The following CLMN variants were observed in gnomAD, a reference collection of about 807,000 sequenced individuals.
CLMN encodes the protein calmin.
In CLMN, 57 loss-of-function variants were observed where a neutral mutation model predicts 92.7. The ratio of observed to expected loss-of-function variants is 0.61; its 90% CI spans 0.50 to 0.77. CLMN has a LOEUF of 0.77. Ranked by LOEUF, CLMN falls within the 30% of genes least tolerant of loss-of-function variation. CLMN has a pLI of 0.00. For synonymous variants in CLMN, 466 were observed against 470.6 expected, an observed-to-expected ratio of 0.99 and a Z score of 0.13; for missense variants, 1,158 against 1,237.5, an observed-to-expected ratio of 0.94 and a Z score of 0.96.
chr14:95,256,391 A>C lies in CLMN; in HGVS notation c.83-26258T>G, dbSNP rs1441590947. Among the ~76,000 whole-genome samples the C allele has an allele frequency of 6.6e-6, 1 of 152,232 alleles. No homozygotes were observed. The highest frequency in any genetic ancestry group is 2.4e-5 in the African/African-American group (1 of 41,466). ...ATGAATCTTGGCTGAGGAAATTGCT[A>C]CCAACGACACTGTGACTCAACAGAT... On this transcript the variant is annotated intron_variant, in intron 1 of 12. Coordinates refer to ENST00000298912, the MANE Select transcript of CLMN (RefSeq NM_024734.4). The surrounding 1 kb of genome is among the most constrained non-coding windows in gnomAD (Gnocchi z 4.9).
At chr14:95,257,325 T>G (rs1361205619) in intron 1 of CLMN, among the ~76,000 whole-genome samples, 2 of 152,230 alleles carry the variant, frequency 1.3e-5, no homozygotes, top group Admixed American at 6.5e-5. Context: ...TAATTAATCC[T>G]CTGCAAATAA....
rs1189742892 is a variant in CLMN, at chr14:95,259,150, G to A, written c.83-29017C>T. On this transcript the variant is annotated intron_variant, in intron 1 of 12. Transcript: ENST00000298912. The surrounding 1 kb of genome is among the most constrained non-coding windows in gnomAD (Gnocchi z 4.3). The stretch of plus-strand genomic sequence containing the variant: ...GTGTGAAGTGGGGTGTGCACTCAGG[G>A]AGTTGGTGCTGCATGGCAGGCTGGA... 6.6e-6 allele frequency among the ~76,000 whole-genome samples: 1 copy of A among 152,028 alleles called. No individual in the cohort carries two copies. The highest frequency in any genetic ancestry group is 1.5e-5 in the Non-Finnish European group (1 of 67,974).
In CLMN at chr14:95,268,440, C is replaced by G. The variant is rs574212492; in HGVS notation, c.83-38307G>C. 1.7e-4 allele frequency among the ~76,000 whole-genome samples: 26 copies of G among 150,488 alleles called. No homozygotes were observed. In the East Asian group the frequency reaches 2.0e-3, roughly 11 times the overall value. On this transcript the variant is annotated intron_variant, in intron 1 of 12. Transcript: ENST00000298912. Reference sequence around the variant, plus strand: ...CCATGATTCTTACTGATACAACATTCTTGAAATGACAGAATTCTAGAGTTG... The same window carrying G: ...CCATGATTCTTACTGATACAACATTGTTGAAATGACAGAATTCTAGAGTTG...
chr14:95,261,385 T>A (rs914951492), intron 1 of CLMN, among the ~76,000 whole-genome samples: 1 of 152,360 alleles, frequency 6.6e-6, no homozygotes, highest in Admixed American at 6.5e-5. Flanking sequence ...GAGACACAAA[T>A]ACATTTCAGA....
chr14:95,297,811 GCACACACACA>G (rs3219870), intron 1 of CLMN, among the ~76,000 whole-genome samples: 46,483 of 144,994 alleles, frequency 0.32, 7,593 homozygotes, highest in East Asian at 0.56. Context: ...AATATGGCAG[GCACACACACA>G]CACACACACA....
chr14:95,207,568 T>A (rs1897080059), intron 8 of CLMN, among the ~76,000 whole-genome samples: 1 of 152,240 alleles, frequency 6.6e-6, no homozygotes, highest in African/African-American at 2.4e-5. Context: ...TTCACATAAC[T>A]GTTTATCCTT....
In CLMN at chr14:95,289,502, T is replaced by TAAAC. The variant is rs770702666; in HGVS notation, c.82+30208_82+30209insGTTT. On this transcript the variant is annotated intron_variant, in intron 1 of 12. Coordinates refer to ENST00000298912, the MANE Select transcript of CLMN (RefSeq NM_024734.4). ...ATAAATAAATAAATAAATAAATAAA[T>TAAAC]AAATAAACAAACAAACAAACAAAAA... is the stretch of plus-strand genomic sequence containing the variant. 2.0e-3 allele frequency among the ~76,000 whole-genome samples: 182 copies of TAAAC among 93,010 alleles called. 2 individuals are homozygous for TAAAC. The highest frequency in any genetic ancestry group is 2.4e-3 in the African/African-American group (57 of 23,484). The allele number at this position is 93,010 out of a possible 152,430, so 61.0% of individuals were successfully genotyped here.
intron 8 of CLMN, among the ~76,000 whole-genome samples, chr14:95,208,726 C>T (rs557674192): frequency 1.5e-4 from 23 of 152,110 alleles, no homozygotes; most frequent in Non-Finnish European, 2.5e-4. Flanking sequence ...TTTCAGTCAC[C>T]CATGGTCAAC....
intron 1 of CLMN, among the ~76,000 whole-genome samples, chr14:95,282,107 A>G (rs955304157): frequency 2.6e-4 from 39 of 152,238 alleles, no homozygotes; most frequent in Non-Finnish European, 4.7e-4. Context: ...AAGGATGAGT[A>G]GGAATTCATC....
Position 95,194,892 on chromosome 14 carries a change from C to T in CLMN, c.2709-296G>A, listed in dbSNP as rs1487650009. ...TTCTTAAAAATCAAAGCATTTGGAG[C>T]AGGAAGTAACCCAAGCATCCTGATG... On this transcript the variant is annotated intron_variant, in intron 10 of 12. Coordinates refer to ENST00000298912, the MANE Select transcript of CLMN (RefSeq NM_024734.4). The surrounding 1 kb of genome is among the most constrained non-coding windows in gnomAD (Gnocchi z 4.0). Among the ~76,000 whole-genome samples the T allele has an allele frequency of 5.9e-5, 9 of 152,174 alleles. No homozygotes were observed. Among genetic ancestry groups the T allele is most frequent in the Non-Finnish European group, 8.8e-5 (6 of 68,034 alleles).
At position 95,203,631 on chromosome 14, in the gene CLMN, A is replaced by G; in HGVS notation, c.1718T>C (p.Phe573Ser). The part of the protein sequence containing the change: ...ASKFNSDLID[F>S]ASTSQAFNKV... ...GTTGAAAGCCTGGCTGGTAGAAGCAAAATCTATTAGGTCGCTGTTAAATTT... is the reference window on the plus strand; with the variant it reads ...GTTGAAAGCCTGGCTGGTAGAAGCAGAATCTATTAGGTCGCTGTTAAATTT... Residue 573 changes from phenylalanine (F) to serine (S), a missense_variant, in exon 9 of 13, where the codon TTT becomes TCT. Physicochemically the swap from Phe to Ser is radical, Grantham distance 155. Transcript: ENST00000298912. 6.2e-7 allele frequency: 1 copy of G among 1,614,176 alleles called. No individual in the cohort carries two copies. Among genetic ancestry groups the G allele is most frequent in the Non-Finnish European group, 8.5e-7 (1 of 1,180,032 alleles).
chr14:95,214,344 CTTTTT>C (rs140176893), intron 5 of CLMN, among the ~76,000 whole-genome samples: 38 of 109,330 alleles, frequency 3.5e-4, no homozygotes, highest in African/African-American at 1.0e-3. Flanking sequence ...GCTGCTGCTG[CTTTTT>C]TTTTTTTTTT....
At chr14:95,251,459 T>A (rs1431565257) in intron 1 of CLMN, among the ~76,000 whole-genome samples, 1 of 152,214 alleles carries the variant, frequency 6.6e-6, no homozygotes, top group Non-Finnish European at 1.5e-5. Context: ...TAAATACAAT[T>A]CTTTTGTTAC....
intron 9 of CLMN, among the ~76,000 whole-genome samples, chr14:95,199,795 G>A (rs921399773): frequency 1.3e-5 from 2 of 152,072 alleles, no homozygotes; most frequent in Non-Finnish European, 2.9e-5. Context: ...ATAACTGCTT[G>A]CCCAGATGGT....
At position 95,204,147 on chromosome 14, in the gene CLMN, G is replaced by A; in HGVS notation, c.1202C>T (p.Pro401Leu). 1.9e-6 allele frequency: 3 copies of A among 1,614,154 alleles called. No homozygotes were observed. Among genetic ancestry groups the A allele is most frequent in the South Asian group, 2.2e-5 (2 of 91,068 alleles). ...TGATAAAATGGAGGATTCTGGAGAT[G>A]GCTCACTGATGTCGCTGGTCTTACC... ...GPGKTSDISE[P>L]SPESSILSSR... Residue 401 changes from proline to leucine, a missense_variant, in exon 9 of 13, where the codon CCA (proline) becomes CTA (leucine). Pro to Leu is a moderately conservative substitution (Grantham distance 98). Transcript: ENST00000298912.
Position 95,256,196 on chromosome 14 carries a change from C to T in CLMN, c.83-26063G>A, listed in dbSNP as rs74909817. ...CAATGCCCCCACACTGTCCTCGCCA[C>T]GGGCACACCCAACCGAGGCCCGCCA... On this transcript the variant is annotated intron_variant, in intron 1 of 12. Transcript: ENST00000298912. The surrounding 1 kb of genome is among the most constrained non-coding windows in gnomAD (Gnocchi z 4.9). Among the ~76,000 whole-genome samples, 178 of 152,324 alleles carry T rather than the reference C, an allele frequency of 1.2e-3. 5 individuals carry two copies. In the East Asian group the frequency reaches 0.03, roughly 25 times the overall value.
rs563098679 is a variant in CLMN, at chr14:95,194,168, G to A, written c.2770-249C>T. 21 of 1,404,428 alleles carry A rather than the reference G, an allele frequency of 1.5e-5. No homozygotes were observed. The highest frequency in any genetic ancestry group is 9.3e-5 in the Admixed American group (3 of 32,316). 87.0% of individuals were successfully genotyped at this position (1,404,428 alleles called of 1,614,324 possible). A position where few individuals can be genotyped will look rare whatever the true frequency, so the allele number is the denominator to read the frequency against. On this transcript the variant is annotated intron_variant, in intron 11 of 12. Transcript: ENST00000298912. The surrounding 1 kb of genome is among the most constrained non-coding windows in gnomAD (Gnocchi z 4.0). Reference sequence around the variant, plus strand: ...AACCCGGATTGGGGTGTGCTGCTCCGGGTTCTAACACATCTGCTACTGAGC... The same window carrying A: ...AACCCGGATTGGGGTGTGCTGCTCCAGGTTCTAACACATCTGCTACTGAGC...
In CLMN at chr14:95,194,489, T is replaced by C. The variant is rs1896645094; in HGVS notation, c.2769+47A>G. 1 of 1,613,602 alleles carries C rather than the reference T, an allele frequency of 6.2e-7. No individual in the cohort carries two copies. Among genetic ancestry groups the C allele is most frequent in the African/African-American group, 1.3e-5 (1 of 74,876 alleles). On this transcript the variant is annotated intron_variant, in intron 11 of 12. Coordinates refer to ENST00000298912, the MANE Select transcript of CLMN (RefSeq NM_024734.4). This position sits in a 1 kb window ranked among gnomAD's most constrained non-coding sequence, Gnocchi z 4.0. ...GGGGAGGAGGAAGGATGGAAAGGAA[T>C]TGATTAGCAGGGGCCGTGCGGAAAG...
In CLMN at chr14:95,188,353, A is replaced by G. The variant is rs889205983; in HGVS notation, c.*3211T>C. The G allele has an allele frequency of 1.3e-5, 2 of 152,260 alleles. No individual in the cohort carries two copies. Among genetic ancestry groups the G allele is most frequent in the African/African-American group, 4.8e-5 (2 of 41,458 alleles). 9.4% of individuals were successfully genotyped at this position (152,260 alleles called of 1,614,324 possible). A position where few individuals can be genotyped will look rare whatever the true frequency, so the allele number is the denominator to read the frequency against. The stretch of plus-strand genomic sequence containing the variant: ...AATCATTAACGTCCACAGAGAGACA[A>G]AATCTGCATCCACGCATCAAGAGCA... On this transcript the variant is annotated 3_prime_UTR_variant, in exon 13 of 13. Coordinates refer to ENST00000298912, the MANE Select transcript of CLMN (RefSeq NM_024734.4).
Sources: allele counts gnomAD v4.1 joint callset (sites outside exome capture counted in the v4.1 genomes callset), GRCh38; gene constraint gnomAD v4.1.1; non-coding constraint Gnocchi (gnomAD v3.1); transcripts MANE v1.5; gene names NCBI Gene and HGNC (gene_info 2026-07-23, HGNC 2026-07-21).